The following LMNTD1 variants were observed in gnomAD, a reference collection of about 807,000 sequenced individuals.
LMNTD1 encodes the protein lamin tail domain-containing protein 1.
Under a neutral mutation model 50.9 loss-of-function variants are expected in LMNTD1, and 35 were observed. That is an observed-to-expected ratio of 0.69 (90% CI 0.53 to 0.91). LMNTD1 has a LOEUF of 0.91. LMNTD1 is among the 40% of genes least tolerant of loss of function. LMNTD1 has a pLI of 0.00. For missense variants in LMNTD1, 470 were observed against 475.5 expected, an observed-to-expected ratio of 0.99 and a Z score of 0.11; for synonymous variants, 153 against 161.9, an observed-to-expected ratio of 0.94 and a Z score of 0.42.
chr12:25,484,643 A>T (rs1461551834), intron 9 of LMNTD1, among the ~76,000 whole-genome samples: 1 of 129,014 alleles, frequency 7.8e-6, no homozygotes, highest in Admixed American at 7.6e-5. Context: ...TCCCAATGCT[A>T]TCCCTCCCCC....
chr12:25,514,953 T>C (rs1940643650), intron 8 of LMNTD1, among the ~76,000 whole-genome samples: 1 of 152,092 alleles, frequency 6.6e-6, no homozygotes, highest in Non-Finnish European at 1.5e-5. Context: ...TTTTACTATG[T>C]TGGTGGGAGT....
intron 1 of LMNTD1, among the ~76,000 whole-genome samples, chr12:25,643,391 G>T (rs1946992743): frequency 6.6e-6 from 1 of 152,160 alleles, no homozygotes; most frequent in African/African-American, 2.4e-5. Context: ...CCAGTGTGCT[G>T]AGTAAGCAAA....
chr12:25,546,538 TGAGAAGG>T lies in LMNTD1; in HGVS notation c.320_326del (p.Pro107GlnfsTer11). On this transcript the variant is annotated frameshift_variant, in exon 4 of 10. Transcript: ENST00000458174. LOFTEE classifies it high-confidence loss of function. ...GTGATTCATCCTGTTTCTTCGGAACTGAGAAGGGGCTGGCATCTTTCAAGTAGACAGA... is the reference window on the plus strand; with the variant it reads ...GTGATTCATCCTGTTTCTTCGGAACTGGCTGGCATCTTTCAAGTAGACAGA... The T allele has an allele frequency of 6.4e-7, 1 of 1,558,432 alleles. No individual in the cohort carries two copies. The highest frequency in any genetic ancestry group is 8.7e-7 in the Non-Finnish European group (1 of 1,149,938).
intron 1 of LMNTD1, among the ~76,000 whole-genome samples, chr12:25,612,328 A>ACCACACACGCGCG (rs34069424): frequency 6.8e-6 from 1 of 146,418 alleles, no homozygotes; most frequent in South Asian, 2.2e-4. Flanking sequence ...ACACACACAC[A>ACCACACACGCGCG]CGCGCTCCCA....
intron 1 of LMNTD1, among the ~76,000 whole-genome samples, chr12:25,621,815 G>C (rs1369500138): frequency 2.0e-5 from 3 of 152,180 alleles, no homozygotes; most frequent in Non-Finnish European, 4.4e-5. Context: ...GGTCAGCAAA[G>C]ACAAGGAAGA....
At chr12:25,552,346 C>T (rs1024253062) in intron 2 of LMNTD1, among the ~76,000 whole-genome samples, 3 of 151,786 alleles carry the variant, frequency 2.0e-5, no homozygotes, top group Non-Finnish European at 4.4e-5. Context: ...AGGCCAGGCG[C>T]GGTGGCTCAC....
chr12:25,607,523 G>C (rs1321361024), intron 1 of LMNTD1, among the ~76,000 whole-genome samples: 2 of 152,072 alleles, frequency 1.3e-5, no homozygotes, highest in Non-Finnish European at 2.9e-5. Flanking sequence ...CAGAGATTCT[G>C]GTTCATTGTG....
chr12:25,626,790 T>C (rs1946599669), intron 1 of LMNTD1, among the ~76,000 whole-genome samples: 1 of 152,130 alleles, frequency 6.6e-6, no homozygotes, highest in Admixed American at 6.5e-5. Flanking sequence ...AACATAAAGA[T>C]TGCTCCCACC....
chr12:25,581,134 A>T (rs1387034959), intron 1 of LMNTD1, among the ~76,000 whole-genome samples: 1 of 152,178 alleles, frequency 6.6e-6, no homozygotes, highest in Non-Finnish European at 1.5e-5. Flanking sequence ...CGTACATAAG[A>T]CATCACAATG....
At chr12:25,487,311 G>A (rs889358784) in intron 9 of LMNTD1, among the ~76,000 whole-genome samples, 3 of 134,014 alleles carry the variant, frequency 2.2e-5, no homozygotes, top group Non-Finnish European at 4.7e-5. Context: ...TATGAATCTG[G>A]GTGCTCCTAT....
chr12:25,617,689 G>T (rs1232790272), intron 1 of LMNTD1, among the ~76,000 whole-genome samples: 3 of 152,200 alleles, frequency 2.0e-5, no homozygotes, highest in Non-Finnish European at 2.9e-5. Context: ...TCTTTCAAAA[G>T]TTCACCACGC....
intron 8 of LMNTD1, among the ~76,000 whole-genome samples, chr12:25,504,012 C>G (rs79134544): frequency 1.3e-5 from 2 of 152,198 alleles, no homozygotes; most frequent in Non-Finnish European, 2.9e-5. Flanking sequence ...TAAAAACCAC[C>G]TGAAAAGTAT....
intron 1 of LMNTD1, among the ~76,000 whole-genome samples, chr12:25,643,206 A>G (rs1382490291): frequency 6.6e-6 from 1 of 152,230 alleles, no homozygotes; most frequent in Admixed American, 6.5e-5. Flanking sequence ...ATTATCATTT[A>G]TGATTATAGT....
At chr12:25,561,037 C>T (rs1944287344) in intron 1 of LMNTD1, among the ~76,000 whole-genome samples, 1 of 152,094 alleles carries the variant, frequency 6.6e-6, no homozygotes, top group Admixed American at 6.6e-5. Context: ...TTTCTCTTGC[C>T]CGATTGCCTT....
intron 9 of LMNTD1, among the ~76,000 whole-genome samples, chr12:25,496,384 T>C (rs1217005428): frequency 2.0e-5 from 3 of 152,190 alleles, no homozygotes; most frequent in Non-Finnish European, 4.4e-5. Context: ...CCTCAAAACA[T>C]TATGACTGCA....
chr12:25,592,033 G>T (rs1170590629), intron 1 of LMNTD1, among the ~76,000 whole-genome samples: 1 of 152,062 alleles, frequency 6.6e-6, no homozygotes, highest in Non-Finnish European at 1.5e-5. Context: ...AAATTATAAC[G>T]CCTAAGTTCT....
At chr12:25,561,152 C>T (rs1191596668) in intron 1 of LMNTD1, among the ~76,000 whole-genome samples, 1 of 152,110 alleles carries the variant, frequency 6.6e-6, no homozygotes, top group Admixed American at 6.6e-5. Flanking sequence ...TTCAGTTCTG[C>T]TCTGATCTTA....
intron 1 of LMNTD1, among the ~76,000 whole-genome samples, chr12:25,625,600 T>G (rs138494954): frequency 6.6e-6 from 1 of 152,308 alleles, no homozygotes; most frequent in Non-Finnish European, 1.5e-5. Flanking sequence ...CCTGCTCAAG[T>G]GCCTTCAGGT....
chr12:25,477,118 T>C lies in LMNTD1; in HGVS notation c.*23-658A>G, dbSNP rs190738683. Among the ~76,000 whole-genome samples the C allele has an allele frequency of 7.2e-5, 11 of 152,336 alleles. No individual in the cohort carries two copies. In the East Asian group the frequency reaches 1.5e-3, roughly 21 times the overall value. ...AGATGAGACATTTGAATGTAGGCTATATGAACGTTTTTCTGAGAGGAAACT... is the reference window on the plus strand; with the variant it reads ...AGATGAGACATTTGAATGTAGGCTACATGAACGTTTTTCTGAGAGGAAACT... On this transcript the variant is annotated intron_variant, in intron 9 of 9. Coordinates refer to ENST00000458174, the MANE Select transcript of LMNTD1 (RefSeq NM_001145728.2).
Sources: allele counts gnomAD v4.1 joint callset (sites outside exome capture counted in the v4.1 genomes callset), GRCh38; gene constraint gnomAD v4.1.1; transcripts MANE v1.5; gene names NCBI Gene and HGNC (gene_info 2026-07-23, HGNC 2026-07-21).